SLC6A9: variants seen among roughly 807,000 people sequenced by gnomAD.
SLC6A9 encodes solute carrier family 6 member 9.
In SLC6A9, 31 loss-of-function variants were observed where a neutral mutation model predicts 70.9. That is an observed-to-expected ratio of 0.44 (90% CI 0.33 to 0.59). SLC6A9 has a LOEUF of 0.59. Among genes scored for constraint, SLC6A9 ranks in the 20% least tolerant of loss-of-function variants. SLC6A9 has a pLI of 0.04. For missense variants in SLC6A9, 631 were observed against 845.2 expected, an observed-to-expected ratio of 0.75 and a Z score of 3.14; for synonymous variants, 310 against 341.3, an observed-to-expected ratio of 0.91 and a Z score of 1.01.
chr1:44,007,206 TTG>T (rs1201405782), intron 5 of SLC6A9, among the ~76,000 whole-genome samples: 1 of 152,146 alleles, frequency 6.6e-6, no homozygotes, highest in African/African-American at 2.4e-5. Flanking sequence ...CACTACCTCT[TTG>T]TGTCTCTGTG....
At chr1:44,030,562 T>C (rs1311318982) in intron 1 of SLC6A9, 1 of 152,258 alleles carries the variant, frequency 6.6e-6, no homozygotes, top group South Asian at 2.1e-4. Context: ...GTGCCGGTAA[T>C]GAGGGTTGGG....
rs756154765 is a variant in SLC6A9, at chr1:43,997,531, C to T, written c.*14G>A. 3 of 1,611,372 alleles carry T rather than the reference C, an allele frequency of 1.9e-6. No individual in the cohort carries two copies. The highest frequency in any genetic ancestry group is 2.5e-6 in the Non-Finnish European group (3 of 1,178,590). On this transcript the variant is annotated 3_prime_UTR_variant, in exon 14 of 14. Transcript: ENST00000372310. This position sits in a 1 kb window ranked among gnomAD's most constrained non-coding sequence, Gnocchi z 4.4. ...CACGGGGTGGGGGTGGGGCCACTCC[C>T]CTGGCAGCTGTGCTCATATCCGGGA...
intron 5 of SLC6A9, among the ~76,000 whole-genome samples, chr1:44,004,031 G>A (rs2086222945): frequency 6.6e-6 from 1 of 150,648 alleles, no homozygotes; most frequent in African/African-American, 2.5e-5. Flanking sequence ...GTCTTGCTCT[G>A]TCACCCAGGC....
Position 44,002,873 on chromosome 1 carries a change from C to T in SLC6A9, c.703G>A (p.Gly235Arg). The T allele has an allele frequency of 6.2e-7, 1 of 1,614,144 alleles. No homozygotes were observed. The highest frequency in any genetic ancestry group is 8.5e-7 in the Non-Finnish European group (1 of 1,180,034). The change falls in exon 6 of 14, where the codon GGG becomes AGG. Residue 235 changes from glycine (G) to arginine (R), a missense_variant. Coordinates refer to ENST00000372310, the MANE Select transcript of SLC6A9 (RefSeq NM_001024845.3). This position sits in a 1 kb window ranked among gnomAD's most constrained non-coding sequence, Gnocchi z 5.5. ...WLVVFLCLIR[G>R]VKSSGKVVYF... ...CTTGCTTTCCCTGAAGACTTGACCC[C>T]TCGGATGAGGCAGAGGAAGACGACC...
At position 44,001,308 on chromosome 1, in the gene SLC6A9, G is replaced by A; in HGVS notation, c.1201-10C>T. 6.2e-7 allele frequency: 1 copy of A among 1,614,216 alleles called. No homozygotes were observed. The highest frequency in any genetic ancestry group is 1.1e-5 in the South Asian group (1 of 91,086). ...TCTCCAGGAGGCAGAACTGCAGGAT[G>A]TGGCTGTCAGATCGGAGACCTGCCC... is the stretch of plus-strand genomic sequence containing the variant. On this transcript the variant is annotated splice_polypyrimidine_tract_variant and intron_variant, in intron 9 of 13. Transcript: ENST00000372310.
chr1:44,024,654 G>A (rs1255311138), intron 1 of SLC6A9, among the ~76,000 whole-genome samples: 2 of 152,228 alleles, frequency 1.3e-5, no homozygotes, highest in African/African-American at 2.4e-5. Context: ...AAACTGGGAT[G>A]GAGTCCAATT....
intron 1 of SLC6A9, among the ~76,000 whole-genome samples, chr1:44,029,794 T>A (rs891054734): frequency 6.6e-6 from 1 of 152,158 alleles, no homozygotes; most frequent in Non-Finnish European, 1.5e-5. Context: ...TTCTCTGCGG[T>A]CCTTGGAAAC....
intron 4 of SLC6A9, among the ~76,000 whole-genome samples, chr1:44,009,530 G>A (rs574162849): frequency 6.6e-6 from 1 of 151,922 alleles, no homozygotes; most frequent in Non-Finnish European, 1.5e-5. Context: ...GCCAAGATGG[G>A]GTTTCTCCAT....
chr1:44,010,468 G>GT, intron 3 of SLC6A9: 3 of 256,472 alleles, frequency 1.2e-5, no homozygotes, highest in African/African-American at 2.2e-5. Context: ...GGGGGGGGGG[G>GT]GGGTTAGGTC....
chr1:44,000,689 T>C, intron 12 of SLC6A9, 78 bp downstream of exon 12: 3 of 945,602 alleles, frequency 3.2e-6, no homozygotes, highest in Non-Finnish European at 4.9e-6. Flanking sequence ...GCTCCCACTG[T>C]CCCTCCGCTG....
At chr1:44,010,957 C>T in intron 2 of SLC6A9, 75 bp from the exon 3 acceptor site, 1 of 1,523,934 alleles carries the variant, frequency 6.6e-7, no homozygotes, top group East Asian at 2.3e-5. Flanking sequence ...CCTCCCCCAG[C>T]AGGGAAACCG....
At chr1:44,011,736 G>C in intron 2 of SLC6A9, 7 of 1,613,500 alleles carry the variant, frequency 4.3e-6, no homozygotes, top group Non-Finnish European at 5.9e-6. Context: ...CAGGGGAGGG[G>C]GCCGAAGGTC....
At chr1:44,003,672 C>G (rs1571858458) in intron 5 of SLC6A9, among the ~76,000 whole-genome samples, 1 of 149,918 alleles carries the variant, frequency 6.7e-6, no homozygotes, top group Non-Finnish European at 1.5e-5. Flanking sequence ...TGCTTGAACC[C>G]AGGAGGTGGA....
At chr1:44,010,673 G>C (rs1349436165) in intron 3 of SLC6A9, 53 bp downstream of exon 3, 3 of 1,573,342 alleles carry the variant, frequency 1.9e-6, no homozygotes, top group Non-Finnish European at 2.6e-6. Flanking sequence ...CCCAGGCCCT[G>C]GTGGGTGGGC....
chr1:44,012,859 A>C (rs1214107234), intron 2 of SLC6A9, among the ~76,000 whole-genome samples: 6 of 152,152 alleles, frequency 3.9e-5, no homozygotes. Context: ...ACATGCCCCT[A>C]CAGAATCCTG....
intron 12 of SLC6A9, among the ~76,000 whole-genome samples, chr1:43,998,992 C>G (rs1018932633): frequency 7.8e-6 from 1 of 127,424 alleles, no homozygotes; most frequent in African/African-American, 2.9e-5. Context: ...AGGGGGGGGG[C>G]AGTCCCAGCA....
At chr1:44,011,049 A>T (rs1214940646) in intron 2 of SLC6A9, among the ~76,000 whole-genome samples, 167 bp from the exon 3 acceptor site, 1 of 152,202 alleles carries the variant, frequency 6.6e-6, no homozygotes, top group African/African-American at 2.4e-5. Flanking sequence ...GGAAGCAGAG[A>T]GTAGTGGCTG....
At chr1:44,031,061 C>T (rs1331193049) in intron 1 of SLC6A9, among the ~76,000 whole-genome samples, 1 of 151,242 alleles carries the variant, frequency 6.6e-6, no homozygotes, top group Non-Finnish European at 1.5e-5. Flanking sequence ...TTGGTGACAG[C>T]GGTGACACCC....
chr1:44,010,458 G>GGC, intron 3 of SLC6A9: 1 of 102,324 alleles, frequency 9.8e-6, no homozygotes, highest in Non-Finnish European at 1.7e-5. Flanking sequence ...CTTGTGGGCG[G>GGC]GGGGGGGGGG....
Sources: gnomAD v4.1 joint callset for allele counts (sites outside exome capture counted in the v4.1 genomes callset) on GRCh38, gnomAD v4.1.1 for gene constraint, Gnocchi (gnomAD v3.1) non-coding constraint, MANE v1.5 for transcripts, NCBI Gene and HGNC (gene_info 2026-07-23, HGNC 2026-07-21) for gene names.